The following HSPG2 variants were observed in gnomAD, a reference collection of about 807,000 sequenced individuals.
The protein encoded by HSPG2 is basement membrane-specific heparan sulfate proteoglycan core protein.
HSPG2 carries 278 observed loss-of-function variants against 526.6 expected under a neutral mutation model. The ratio of observed to expected loss-of-function variants is 0.53; its 90% CI spans 0.48 to 0.58. The LOEUF is 0.58. Among genes scored for constraint, HSPG2 ranks in the 20% least tolerant of loss-of-function variants. HSPG2 has a pLI of 0.00. For missense variants in HSPG2, 5,354 were observed against 6,099.5 expected (o/e 0.88, Z 4.07); for synonymous variants, 2,465 against 2,555.4 (o/e 0.96, Z 1.07).
chr1:21,890,204 T>A lies in HSPG2; in HGVS notation c.414-63A>T. The A allele has an allele frequency of 6.3e-7, 1 of 1,592,612 alleles. No individual in the cohort carries two copies. Among genetic ancestry groups the A allele is most frequent in the Non-Finnish European group, 8.6e-7 (1 of 1,162,390 alleles). Reference sequence around the variant, plus strand: ...GACACCTGTGTTCTCAGCTCCTCCATGAGGCTCCCGCCCCGACGCTCAGGC... The same window carrying A: ...GACACCTGTGTTCTCAGCTCCTCCAAGAGGCTCCCGCCCCGACGCTCAGGC... On this transcript the variant is annotated intron_variant, in intron 5 of 96. Coordinates refer to ENST00000374695, the MANE Select transcript of HSPG2 (RefSeq NM_005529.7). The surrounding 1 kb of genome is among the most constrained non-coding windows in gnomAD (Gnocchi z 4.1).
intron 78 of HSPG2, 64 bp from the exon 79 acceptor site, chr1:21,833,678 T>A (rs1412364097): frequency 6.2e-7 from 1 of 1,606,018 alleles, no homozygotes; most frequent in Non-Finnish European, 8.5e-7. Flanking sequence ...CCACCTCCCA[T>A]CTGTGCCTCA....
Position 21,887,641 on chromosome 1 carries a change from G to A in HSPG2, c.737C>T (p.Ser246Phe), listed in dbSNP as rs1246781210. Reference protein sequence around the residue: ...EPVLGISPTFSLLVETTSLPP... With the variant: ...EPVLGISPTFFLLVETTSLPP... ...TAAAGATGTCGTCTCCACAAGGAGA[G>A]AGAATGTGGGGCTGATACCCAGGAC... Residue 246 changes from serine to phenylalanine, a missense_variant, in exon 8 of 97, where the codon TCT becomes TTT. Physicochemically the swap from Ser to Phe is radical, Grantham distance 155 (BLOSUM62 -2). Coordinates refer to ENST00000374695, the MANE Select transcript of HSPG2 (RefSeq NM_005529.7). This position sits in a 1 kb window ranked among gnomAD's most constrained non-coding sequence, Gnocchi z 5.0. The A allele has an allele frequency of 6.2e-7, 1 of 1,613,874 alleles. No homozygotes were observed. The highest frequency in any genetic ancestry group is 2.2e-5 in the East Asian group (1 of 44,886).
chr1:21,921,284 C>T (rs1327584637), intron 1 of HSPG2, among the ~76,000 whole-genome samples: 1 of 152,150 alleles, frequency 6.6e-6, no homozygotes, highest in Non-Finnish European at 1.5e-5. Flanking sequence ...GACTCCTGTG[C>T]AGGGTCTGAG....
chr1:21,925,261 A>C (rs1481976742), intron 1 of HSPG2, among the ~76,000 whole-genome samples: 1 of 152,230 alleles, frequency 6.6e-6, no homozygotes, highest in Non-Finnish European at 1.5e-5. Flanking sequence ...ATATGTGAAC[A>C]AATGAGTGGA....
rs1643258571 is a variant in HSPG2 at position 21,904,359 on chromosome 1, A to G, written c.64-8049T>C. ...GCACACGCTGAGGCCAGGGCTGGAG[A>G]GGGCACGGCACGTTCGCGGGGTGGG... On this transcript the variant is annotated intron_variant, in intron 1 of 96. Transcript: ENST00000374695. The surrounding 1 kb of genome is among the most constrained non-coding windows in gnomAD (Gnocchi z 4.4). Among the ~76,000 whole-genome samples, 1 of 152,082 alleles carries G rather than the reference A, an allele frequency of 6.6e-6. No individual in the cohort carries two copies. The highest frequency in any genetic ancestry group is 6.5e-5 in the Admixed American group (1 of 15,282).
Position 21,848,571 on chromosome 1 carries a change from TGA to T in HSPG2, c.7737+70_7737+71del. 2.0e-6 allele frequency: 3 copies of T among 1,527,490 alleles called. No homozygotes were observed. The highest frequency in any genetic ancestry group is 2.7e-6 in the Non-Finnish European group (3 of 1,104,182). The allele number at this position is 1,527,490 out of a possible 1,614,324, so 94.6% of individuals were successfully genotyped here. On this transcript the variant is annotated intron_variant, in intron 59 of 96. Coordinates refer to ENST00000374695, the MANE Select transcript of HSPG2 (RefSeq NM_005529.7). The surrounding 1 kb of genome is among the most constrained non-coding windows in gnomAD (Gnocchi z 4.9). ...ACTGAATGAGCACAGAGTGAGGTGC[TGA>T]GAGTCCCCCCTCTTCCCATTGGGGG...
chr1:21,935,348 GTTTA>G lies in HSPG2; in HGVS notation c.63+1803_63+1806del, dbSNP rs569452545. ...TAATCCCACAGGATTGGAGCTGCCT[GTTTA>G]TTTGTCTAAATTACCGCCCACCAGC... is the stretch of plus-strand genomic sequence containing the variant. On this transcript the variant is annotated intron_variant, in intron 1 of 96. Coordinates refer to ENST00000374695, the MANE Select transcript of HSPG2 (RefSeq NM_005529.7). Among the ~76,000 whole-genome samples the G allele has an allele frequency of 2.4e-4, 37 of 152,220 alleles. No individual in the cohort carries two copies. In the South Asian group the frequency reaches 5.8e-3, roughly 24 times the overall value.
rs796608458 is a variant in HSPG2, at chr1:21,872,366, G to C, written c.4041C>G (p.His1347Gln). 1 of 1,572,996 alleles carries C rather than the reference G, an allele frequency of 6.4e-7. No homozygotes were observed. The highest frequency in any genetic ancestry group is 8.6e-7 in the Non-Finnish European group (1 of 1,157,754). The change falls in exon 33 of 97, where the codon CAC becomes CAG. Residue 1347 changes from histidine to glutamine, a missense_variant. By Grantham distance (24) the His-to-Gln change is conservative (BLOSUM62 0). Coordinates refer to ENST00000374695, the MANE Select transcript of HSPG2 (RefSeq NM_005529.7). The surrounding 1 kb of genome is among the most constrained non-coding windows in gnomAD (Gnocchi z 5.5). ...SAYTRHLIST[H>Q]FAPGDFQGFA... is the part of the protein sequence containing the mutation. ...AGCCTTGGAAGTCCCCAGGGGCAAAGTGGGTGGAGATCTGGCAGGGGAAAA... is the reference window on the plus strand; with the variant it reads ...AGCCTTGGAAGTCCCCAGGGGCAAACTGGGTGGAGATCTGGCAGGGGAAAA...
Position 21,878,243 on chromosome 1 carries a change from A to G in HSPG2, c.2628T>C (p.Ile876=). The change falls in exon 21 of 97, where the codon ATT becomes ATC. Residue 876 remains isoleucine (I), a synonymous_variant. Transcript: ENST00000374695. The part of the protein sequence containing the change: ...GGKCRPVNQE[I]VRCDERGSMG... ...TGCTGCCACGCTCGTCACAGCGCAC[A>G]ATCTCCTGGTCTGGGACACAAAACG... 1.2e-6 allele frequency: 2 copies of G among 1,613,996 alleles called. No individual in the cohort carries two copies. The highest frequency in any genetic ancestry group is 1.7e-6 in the Non-Finnish European group (2 of 1,180,010).
At chr1:21,825,707 T>C (rs1288383743) in intron 91 of HSPG2, among the ~76,000 whole-genome samples, 1 of 152,194 alleles carries the variant, frequency 6.6e-6, no homozygotes, top group Non-Finnish European at 1.5e-5. Flanking sequence ...GAGCGTCCCA[T>C]CCAGCTACAG....
intron 1 of HSPG2, among the ~76,000 whole-genome samples, chr1:21,903,688 G>T (rs1474450456): frequency 6.6e-6 from 1 of 152,228 alleles, no homozygotes; most frequent in African/African-American, 2.4e-5. Flanking sequence ...GGGCTACTGG[G>T]AGAGGCATGT....
intron 75 of HSPG2, 115 bp downstream of exon 75, chr1:21,836,687 T>C (rs185981407): frequency 2.0e-4 from 176 of 866,068 alleles, no homozygotes; most frequent in Admixed American, 1.1e-3. Context: ...GGTAAAGTGA[T>C]GTGTCCAAGG....
intron 6 of HSPG2, chr1:21,888,739 A>C: frequency 7.3e-7 from 1 of 1,361,204 alleles, no homozygotes; most frequent in East Asian, 4.6e-5. Flanking sequence ...AGATGTGATC[A>C]GTGGCTGTTC....
rs780836968 is a variant in HSPG2, at chr1:21,852,947, C to T, written c.6563G>A (p.Arg2188His). The change falls in exon 51 of 97, where the codon CGT (arginine) becomes CAT (histidine). Residue 2188 changes from arginine (R) to histidine (H), a missense_variant. Coordinates refer to ENST00000374695, the MANE Select transcript of HSPG2 (RefSeq NM_005529.7). Reference protein sequence around the residue: ...QAHAQVTWHKRGGSLPARHQT... With the variant: ...QAHAQVTWHKHGGSLPARHQT... ...GTGCCGGGCAGGGAGGCTGCCCCCA[C>T]GCTTGTGCCACGTGACCTGGGCGTG... The T allele has an allele frequency of 1.6e-5, 26 of 1,613,404 alleles. No individual in the cohort carries two copies. In the Admixed American group the frequency reaches 2.8e-4, roughly 18 times the overall value.
At position 21,864,307 on chromosome 1, in the gene HSPG2, G is replaced by A; in HGVS notation, c.4627-94C>T. 1 of 1,045,732 alleles carries A rather than the reference G, an allele frequency of 9.6e-7. No homozygotes were observed. Among genetic ancestry groups the A allele is most frequent in the South Asian group, 1.4e-5 (1 of 73,656 alleles). 64.8% of individuals were successfully genotyped at this position (1,045,732 alleles called of 1,614,324 possible). On this transcript the variant is annotated intron_variant, in intron 36 of 96. Coordinates refer to ENST00000374695, the MANE Select transcript of HSPG2 (RefSeq NM_005529.7). This position sits in a 1 kb window ranked among gnomAD's most constrained non-coding sequence, Gnocchi z 4.8. ...CCCTCCCTCCAGTGTCCTCCCAGGG[G>A]TGACCCTGGAACATCACAGGCCGGC...
chr1:21,859,595 T>A lies in HSPG2; in HGVS notation c.5264A>T (p.Asn1755Ile). Reference protein sequence around the residue: ...ICTCRNLHQSNTSRAELLVTE... With the variant: ...ICTCRNLHQSITSRAELLVTE... ...GACCAGCAGCTCTGCCCGGCTGGTA[T>A]TGGATTGGTGGAGATTACGGCAGGT... The change falls in exon 42 of 97, where the codon AAT becomes ATT. Residue 1755 changes from asparagine (N) to isoleucine (I), a missense_variant. Transcript: ENST00000374695. This position sits in a 1 kb window ranked among gnomAD's most constrained non-coding sequence, Gnocchi z 5.3. 1 of 1,607,922 alleles carries A rather than the reference T, an allele frequency of 6.2e-7. No individual in the cohort carries two copies. Among genetic ancestry groups the A allele is most frequent in the Non-Finnish European group, 8.5e-7 (1 of 1,177,370 alleles).
intron 13 of HSPG2, among the ~76,000 whole-genome samples, chr1:21,881,928 G>A (rs1228707976): frequency 1.7e-5 from 2 of 114,736 alleles, no homozygotes; most frequent in Non-Finnish European, 3.3e-5. Flanking sequence ...GGGTGACAGA[G>A]CAAGACTCTG....
Position 21,823,246 on chromosome 1 carries a change from T to C in HSPG2, c.*70A>G. ...TTTCTTACAAAAATTCATAATAATA[T>C]TAATAATAATATACTCGACATTGTC... On this transcript the variant is annotated 3_prime_UTR_variant, in exon 97 of 97. Coordinates refer to ENST00000374695, the MANE Select transcript of HSPG2 (RefSeq NM_005529.7). 1 of 1,293,536 alleles carries C rather than the reference T, an allele frequency of 7.7e-7. No individual in the cohort carries two copies. The highest frequency in any genetic ancestry group is 1.0e-6 in the Non-Finnish European group (1 of 980,240). 80.1% of individuals were successfully genotyped at this position (1,293,536 alleles called of 1,614,324 possible).
intron 76 of HSPG2, chr1:21,835,324 C>T: frequency 1.6e-6 from 1 of 615,200 alleles, no homozygotes; most frequent in Non-Finnish European, 2.9e-6. Context: ...CATCTGAGCA[C>T]TCACACACTC....
Sources: gnomAD v4.1 joint callset for allele counts (sites outside exome capture counted in the v4.1 genomes callset) on GRCh38, gnomAD v4.1.1 for gene constraint, Gnocchi (gnomAD v3.1) non-coding constraint, MANE v1.5 for transcripts, NCBI Gene and HGNC (gene_info 2026-07-23, HGNC 2026-07-21) for gene names.